KLHL32: variants seen among roughly 807,000 people sequenced by gnomAD.
KLHL32 encodes the protein kelch like family member 32.
Under a neutral mutation model 64.8 loss-of-function variants are expected in KLHL32, and 35 were observed. That is an observed-to-expected ratio of 0.54 (90% CI 0.41 to 0.72). KLHL32 has a LOEUF of 0.72. Among genes scored for constraint, KLHL32 ranks in the 30% least tolerant of loss-of-function variants. KLHL32 has a pLI of 0.00. For missense variants in KLHL32, 589 were observed against 768.5 expected (o/e 0.77, Z 2.76); for synonymous variants, 259 against 281.0 (o/e 0.92, Z 0.78).
At chr6:96,953,223 A>G (rs552485014) in intron 1 of KLHL32, among the ~76,000 whole-genome samples, 1 of 152,336 alleles carries the variant, frequency 6.6e-6, no homozygotes, top group African/African-American at 2.4e-5. Context: ...TCTATCAATA[A>G]TGTATGTGAG....
Position 97,008,095 on chromosome 6 carries a change from G to T in KLHL32, c.204+31918G>T, listed in dbSNP as rs148511236. Among the ~76,000 whole-genome samples, 23 of 152,280 alleles carry T rather than the reference G, an allele frequency of 1.5e-4. No individual in the cohort carries two copies. The East Asian group carries it at 4.4e-3, about 29-fold the overall frequency. The stretch of plus-strand genomic sequence containing the variant: ...GTTGTGGTGGTGGTGACATGACAGG[G>T]TCAGGGCACTGTGGTAACAGGTTGT... On this transcript the variant is annotated intron_variant, in intron 3 of 10. Transcript: ENST00000369261.
At chr6:96,905,090 C>CT in the KLHL32 span, among the ~76,000 whole-genome samples, 1 of 151,942 alleles carries the variant, frequency 6.6e-6, no homozygotes, top group Non-Finnish European at 1.5e-5. Flanking sequence ...CCAATGAGAT[C>CT]TTTTTTTTCC....
intron 5 of KLHL32, among the ~76,000 whole-genome samples, chr6:97,084,441 T>C (rs1327424493): frequency 6.6e-6 from 1 of 152,146 alleles, no homozygotes; most frequent in Non-Finnish European, 1.5e-5. Flanking sequence ...GAAGCATTTC[T>C]GCAGAAACTC....
chr6:97,032,159 A>G (rs552041462), intron 3 of KLHL32, among the ~76,000 whole-genome samples: 1 of 152,354 alleles, frequency 6.6e-6, no homozygotes, highest in Admixed American at 6.5e-5. Flanking sequence ...ATAGTTCTGA[A>G]CATTAAAAAT....
intron 2 of KLHL32, among the ~76,000 whole-genome samples, chr6:96,973,729 C>CATTTTTTTTTTTTTTT (rs1562204671): frequency 4.0e-5 from 2 of 49,714 alleles, no homozygotes; most frequent in Admixed American, 1.7e-4. Flanking sequence ...TTACAGATTG[C>CATTTTTTTTTTTTTTT]CTTTTTTTTT....
intron 3 of KLHL32, among the ~76,000 whole-genome samples, chr6:97,004,164 T>C (rs1779380993): frequency 6.6e-6 from 1 of 152,166 alleles, no homozygotes. Context: ...TTGAGCAGTG[T>C]TTTGTAAATC....
At chr6:97,132,277 A>G (rs1045869304) in intron 9 of KLHL32, among the ~76,000 whole-genome samples, 1 of 152,192 alleles carries the variant, frequency 6.6e-6, no homozygotes, top group African/African-American at 2.4e-5. Context: ...CACTTGTCTA[A>G]AAAGCATTTG....
chr6:97,116,941 T>A (rs1399054930), intron 7 of KLHL32, among the ~76,000 whole-genome samples: 1 of 152,230 alleles, frequency 6.6e-6, no homozygotes, highest in Non-Finnish European at 1.5e-5. Context: ...CAATCACAAT[T>A]TTCTCAGGTT....
chr6:97,068,698 C>T (rs1474359576), intron 5 of KLHL32, among the ~76,000 whole-genome samples: 1 of 152,044 alleles, frequency 6.6e-6, no homozygotes, highest in African/African-American at 2.4e-5. Flanking sequence ...GTAAATGACT[C>T]TAAGGTTTTA....
intron 1 of KLHL32, among the ~76,000 whole-genome samples, chr6:96,938,052 C>T (rs148347188): frequency 5.9e-5 from 9 of 152,168 alleles, no homozygotes; most frequent in African/African-American, 2.2e-4. Flanking sequence ...GATTCCTAAG[C>T]CTCTTTGTCA....
chr6:97,060,165 A>G (rs1392680376), intron 4 of KLHL32, among the ~76,000 whole-genome samples: 2 of 152,144 alleles, frequency 1.3e-5, no homozygotes, highest in African/African-American at 4.8e-5. Flanking sequence ...CAAGAAATGA[A>G]GAAGATAGCT....
intron 5 of KLHL32, among the ~76,000 whole-genome samples, chr6:97,082,454 A>G (rs1165579572): frequency 6.6e-6 from 1 of 152,106 alleles, no homozygotes; most frequent in African/African-American, 2.4e-5. Flanking sequence ...TCCACTAAAA[A>G]TACAGAAAAT....
chr6:96,933,860 G>T (rs959046013), intron 1 of KLHL32, among the ~76,000 whole-genome samples: 1 of 152,190 alleles, frequency 6.6e-6, no homozygotes, highest in African/African-American at 2.4e-5. Flanking sequence ...TGCTTCTGTG[G>T]ATTACAGTTA....
chr6:97,069,682 G>A (rs1428901735), intron 5 of KLHL32, among the ~76,000 whole-genome samples: 1 of 152,028 alleles, frequency 6.6e-6, no homozygotes, highest in Non-Finnish European at 1.5e-5. Context: ...TGTACTGAGG[G>A]ATTGAAAGGT....
At chr6:96,911,855 A>G in the KLHL32 span, among the ~76,000 whole-genome samples, 1 of 21,270 alleles carries the variant, frequency 4.7e-5, no homozygotes, top group African/African-American at 2.0e-4. Context: ...TTTTTTTGGC[A>G]GCTGCCACTC....
intron 6 of KLHL32, among the ~76,000 whole-genome samples, chr6:97,100,987 T>A (rs1215937050): frequency 7.6e-6 from 1 of 131,500 alleles, no homozygotes; most frequent in South Asian, 2.5e-4. Flanking sequence ...TTTTTTTTTT[T>A]GGTAGAGACA....
chr6:96,908,015 G>T, the KLHL32 span, among the ~76,000 whole-genome samples: 1 of 152,228 alleles, frequency 6.6e-6, no homozygotes, highest in Admixed American at 6.5e-5. Flanking sequence ...TCTAGGCCAA[G>T]AGAACAGAAA....
Position 97,030,404 on chromosome 6 carries a change from A to G in KLHL32, c.205-11088A>G, listed in dbSNP as rs1169431798. On this transcript the variant is annotated intron_variant, in intron 3 of 10. Transcript: ENST00000369261. ...CACTTCTGTGTGAAATAAAGAGGGA[A>G]TAACACACCATAAATCCACACCTCC... is the stretch of plus-strand genomic sequence containing the variant. Among the ~76,000 whole-genome samples, 5 of 152,356 alleles carry G rather than the reference A, an allele frequency of 3.3e-5. No homozygotes were observed. In the South Asian group the frequency reaches 6.2e-4, roughly 19 times the overall value.
At chr6:96,922,133 C>T (rs1433705317), upstream of KLHL32, among the ~76,000 whole-genome samples, 1 of 152,174 alleles carries the variant, frequency 6.6e-6, no homozygotes, top group Non-Finnish European at 1.5e-5. Flanking sequence ...TTTCCAGCCA[C>T]CCAGTGTCCA....
Sources: gnomAD v4.1 joint callset for allele counts (sites outside exome capture counted in the v4.1 genomes callset) on GRCh38, gnomAD v4.1.1 for gene constraint, MANE v1.5 for transcripts, NCBI Gene and HGNC (gene_info 2026-07-23, HGNC 2026-07-21) for gene names.